ERICH3: variants seen among roughly 807,000 people sequenced by gnomAD.
ERICH3 encodes glutamate-rich protein 3.
In ERICH3, 126 loss-of-function variants were observed where a neutral mutation model predicts 131.1. That is an observed-to-expected ratio of 0.96 (90% CI 0.83 to 1.11). The LOEUF is 1.11. Ranked by LOEUF, ERICH3 falls within the 50% of genes most tolerant of loss-of-function variation. The pLI, the probability that ERICH3 is intolerant of heterozygous loss-of-function variation, is 0.00. For synonymous variants in ERICH3, 695 were observed against 644.6 expected, an observed-to-expected ratio of 1.08 and a Z score of -1.18; for missense variants, 2,050 against 1,810.7, an observed-to-expected ratio of 1.13 and a Z score of -2.40.
rs1305868030 is a variant in ERICH3, at chr1:74,589,748, T to G, written c.2059A>C (p.Lys687Gln). The stretch of plus-strand genomic sequence containing the variant: ...TCTGCAGAAACATGTTTCCCGGACT[T>G]CTCAGATAAACCCTCTGCAATCTCT... ...TQEIAEGLSE[K>Q]SGKHVSAEEK... The change falls in exon 12 of 15, where the codon AAG becomes CAG. Residue 687 changes from lysine to glutamine, a missense_variant. Coordinates refer to ENST00000326665, the MANE Select transcript of ERICH3 (RefSeq NM_001002912.5). 6.2e-7 allele frequency: 1 copy of G among 1,614,000 alleles called. No individual in the cohort carries two copies. Among genetic ancestry groups the G allele is most frequent in the South Asian group, 1.1e-5 (1 of 91,092 alleles).
chr1:74,651,476 C>T (rs895690415), intron 1 of ERICH3, among the ~76,000 whole-genome samples: 1 of 152,100 alleles, frequency 6.6e-6, no homozygotes, highest in South Asian at 2.1e-4. Flanking sequence ...AATGAACTGC[C>T]TTGGTGTCCT....
chr1:74,581,830 A>T (rs936617021), intron 12 of ERICH3, among the ~76,000 whole-genome samples: 14 of 152,130 alleles, frequency 9.2e-5, no homozygotes, highest in African/African-American at 3.4e-4. Context: ...CTTAAATCCC[A>T]TTGGGATGCA....
At chr1:74,638,430 G>A (rs941362547) in intron 5 of ERICH3, among the ~76,000 whole-genome samples, 4 of 152,156 alleles carry the variant, frequency 2.6e-5, no homozygotes, top group Admixed American at 2.6e-4. Flanking sequence ...AGCCAAAGAG[G>A]CTAATACAAC....
intron 1 of ERICH3, among the ~76,000 whole-genome samples, chr1:74,653,462 A>G (rs1646556506): frequency 6.6e-6 from 1 of 151,388 alleles, no homozygotes; most frequent in Non-Finnish European, 1.5e-5. Context: ...GAGAGGAGAA[A>G]GAGAGAGAGA....
At chr1:74,657,189 T>A (rs1391986430) in intron 1 of ERICH3, among the ~76,000 whole-genome samples, 2 of 152,206 alleles carry the variant, frequency 1.3e-5, no homozygotes, top group Admixed American at 6.5e-5. Context: ...ATTCTCCACA[T>A]GAGTGATCGT....
chr1:74,615,414 T>C (rs577659994), intron 8 of ERICH3: 2 of 152,328 alleles, frequency 1.3e-5, no homozygotes, highest in African/African-American at 4.8e-5. Flanking sequence ...TTAAATATTT[T>C]AGAATGTAAA....
chr1:74,658,365 TG>T (rs1390140665), intron 1 of ERICH3, among the ~76,000 whole-genome samples: 2 of 152,130 alleles, frequency 1.3e-5, no homozygotes, highest in Non-Finnish European at 2.9e-5. Flanking sequence ...GATCAACACC[TG>T]TGAAAGGAAA....
intron 1 of ERICH3, among the ~76,000 whole-genome samples, chr1:74,670,766 G>A (rs981922380): frequency 6.6e-5 from 10 of 152,192 alleles, no homozygotes; most frequent in Admixed American, 6.5e-4. Flanking sequence ...CATAAGGTCT[G>A]ACTGCCTGTG....
At chr1:74,612,199 C>T (rs1457069928) in intron 9 of ERICH3, among the ~76,000 whole-genome samples, 4 of 152,056 alleles carry the variant, frequency 2.6e-5, no homozygotes, top group Non-Finnish European at 5.9e-5. Context: ...AAGGCATAAC[C>T]GAAAATGTCC....
At chr1:74,658,150 GA>G (rs1246729459) in intron 1 of ERICH3, among the ~76,000 whole-genome samples, 2 of 152,128 alleles carry the variant, frequency 1.3e-5, no homozygotes, top group Non-Finnish European at 1.5e-5. Context: ...GCAGATCCAG[GA>G]TTCAAACCAG....
At chr1:74,644,272 A>G (rs1222470332) in intron 3 of ERICH3, among the ~76,000 whole-genome samples, 2 of 151,850 alleles carry the variant, frequency 1.3e-5, no homozygotes, top group Non-Finnish European at 2.9e-5. Flanking sequence ...AAACTGTTCA[A>G]TTCACTATCA....
At chr1:74,631,685 AT>A in intron 7 of ERICH3, 27 bp downstream of exon 7, 1 of 1,564,244 alleles carries the variant, frequency 6.4e-7, no homozygotes, top group Non-Finnish European at 8.8e-7. Flanking sequence ...AGATAAATTA[AT>A]AAAAGAAAAA....
chr1:74,671,890 G>T (rs933856587), intron 1 of ERICH3, among the ~76,000 whole-genome samples: 2 of 152,094 alleles, frequency 1.3e-5, no homozygotes, highest in Non-Finnish European at 2.9e-5. Flanking sequence ...ATACAATATG[G>T]TGCCTACTTT....
rs543052644 is a variant in ERICH3 at position 74,637,257 on chromosome 1, C to G, written c.445-819G>C. ...ACCCTGCAGGGTCATAATGGGCCAGCTGGGTCCCTCTACCAAAGTCCACAG... is the reference window on the plus strand; with the variant it reads ...ACCCTGCAGGGTCATAATGGGCCAGGTGGGTCCCTCTACCAAAGTCCACAG... On this transcript the variant is annotated intron_variant, in intron 5 of 14. Coordinates refer to ENST00000326665, the MANE Select transcript of ERICH3 (RefSeq NM_001002912.5). Among the ~76,000 whole-genome samples the G allele has an allele frequency of 4.7e-4, 71 of 152,196 alleles. No homozygotes were observed. In the South Asian group the frequency reaches 0.014, roughly 30 times the overall value.
intron 9 of ERICH3, among the ~76,000 whole-genome samples, chr1:74,607,484 A>T (rs1648458034): frequency 6.6e-6 from 1 of 152,058 alleles, no homozygotes; most frequent in East Asian, 1.9e-4. Flanking sequence ...TTAAAGAAAT[A>T]TATACAGTCA....
chr1:74,628,190 T>C (rs1649478914), intron 7 of ERICH3, among the ~76,000 whole-genome samples: 1 of 152,152 alleles, frequency 6.6e-6, no homozygotes, highest in Non-Finnish European at 1.5e-5. Flanking sequence ...TCTATCAGAG[T>C]AAAAAGTAAT....
intron 1 of ERICH3, among the ~76,000 whole-genome samples, chr1:74,663,110 A>C (rs954647927): frequency 6.6e-6 from 1 of 152,142 alleles, no homozygotes; most frequent in African/African-American, 2.4e-5. Context: ...CTAGCTCAGG[A>C]CTTAGGTATG....
chr1:74,580,318 C>T (rs1570812432), intron 12 of ERICH3, among the ~76,000 whole-genome samples: 1 of 152,072 alleles, frequency 6.6e-6, no homozygotes, highest in Non-Finnish European at 1.5e-5. Flanking sequence ...TAAAGTCTTA[C>T]TAAATTTCGG....
At chr1:74,662,014 C>G (rs148848311) in intron 1 of ERICH3, among the ~76,000 whole-genome samples, 1 of 152,110 alleles carries the variant, frequency 6.6e-6, no homozygotes, top group Non-Finnish European at 1.5e-5. Flanking sequence ...TTTATTCATT[C>G]GTTCTTTGAA....
Sources: allele counts gnomAD v4.1 joint callset (sites outside exome capture counted in the v4.1 genomes callset), GRCh38; gene constraint gnomAD v4.1.1; transcripts MANE v1.5; gene names NCBI Gene and HGNC (gene_info 2026-07-23, HGNC 2026-07-21).